DPP10: variants seen among roughly 807,000 people sequenced by gnomAD.
The protein encoded by DPP10 is dipeptidyl peptidase like 10.
In DPP10, 33 loss-of-function variants were observed where a neutral mutation model predicts 120.9. The observed-to-expected ratio is 0.27, with a 90% CI of 0.21 to 0.37. The LOEUF (loss-of-function observed/expected upper bound fraction) is 0.37, where lower values mean the gene tolerates loss of function less well. Ranked by LOEUF, DPP10 falls within the 10% of genes least tolerant of loss-of-function variation. The pLI is 1.00. For missense variants in DPP10, 816 were observed against 942.8 expected (o/e 0.87, Z 1.76); for synonymous variants, 337 against 326.1 (o/e 1.03, Z -0.36).
At chr2:115,325,261 T>G (rs190453484) in intron 2 of DPP10, among the ~76,000 whole-genome samples, 4 of 152,282 alleles carry the variant, frequency 2.6e-5, no homozygotes, top group Admixed American at 2.6e-4. Flanking sequence ...ATGAGTATGC[T>G]TGTATTGACC....
intron 3 of DPP10, among the ~76,000 whole-genome samples, chr2:115,380,780 C>T (rs956385594): frequency 1.9e-4 from 29 of 151,884 alleles, no homozygotes; most frequent in South Asian, 4.2e-4. Flanking sequence ...TTTGCTTGTC[C>T]GCAAAGTATT....
chr2:114,850,776 T>C (rs1364821450), intron 1 of DPP10, among the ~76,000 whole-genome samples: 1 of 152,160 alleles, frequency 6.6e-6, no homozygotes, highest in Non-Finnish European at 1.5e-5. Flanking sequence ...TTCACTAGAA[T>C]AAGAATTCCA....
chr2:115,298,584 G>T (rs1331254912), intron 1 of DPP10, among the ~76,000 whole-genome samples: 1 of 151,988 alleles, frequency 6.6e-6, no homozygotes, highest in Non-Finnish European at 1.5e-5. Flanking sequence ...CTGAGCTGGG[G>T]ATGAATAATT....
intron 1 of DPP10, among the ~76,000 whole-genome samples, chr2:115,267,596 T>A (rs2059512433): frequency 1.3e-5 from 2 of 152,108 alleles, no homozygotes. Context: ...CTTGCCTACC[T>A]CTCTCACCTT....
intron 1 of DPP10, among the ~76,000 whole-genome samples, chr2:115,133,914 C>G (rs1329985299): frequency 2.6e-5 from 4 of 152,114 alleles, no homozygotes; most frequent in Non-Finnish European, 5.9e-5. Flanking sequence ...GATGGATGGG[C>G]CTTGCTGTGC....
rs538117397 is a variant in DPP10, at chr2:114,536,607, G to A, written c.60+93769G>A. 2.0e-3 allele frequency among the ~76,000 whole-genome samples: 309 copies of A among 151,742 alleles called. 1 individual carries two copies. The highest frequency in any genetic ancestry group is 7.1e-3 in the African/African-American group (294 of 41,380). On this transcript the variant is annotated intron_variant, in intron 1 of 25. Coordinates refer to ENST00000410059, the MANE Select transcript of DPP10 (RefSeq NM_020868.6). ...TTTTTAGTAGAGACAGGTTTTCACCGTGTTAGCCAGGATGGTCTCGATCTC... is the reference window on the plus strand; with the variant it reads ...TTTTTAGTAGAGACAGGTTTTCACCATGTTAGCCAGGATGGTCTCGATCTC...
chr2:114,756,905 C>A (rs1470378245), intron 1 of DPP10, among the ~76,000 whole-genome samples: 1 of 152,216 alleles, frequency 6.6e-6, no homozygotes, highest in South Asian at 2.1e-4. Context: ...AAGGAAGCCC[C>A]GTTGAGGTAT....
At chr2:115,251,652 C>T (rs1252820936) in intron 1 of DPP10, among the ~76,000 whole-genome samples, 3 of 152,102 alleles carry the variant, frequency 2.0e-5, no homozygotes, top group African/African-American at 7.2e-5. Context: ...GAATTATTTG[C>T]AATGTCAAGG....
intron 1 of DPP10, among the ~76,000 whole-genome samples, chr2:115,086,120 C>A (rs1257467170): frequency 1.3e-5 from 2 of 152,192 alleles, no homozygotes; most frequent in Admixed American, 6.5e-5. Context: ...TGTAAAGAAT[C>A]TCTGTTAACA....
intron 1 of DPP10, among the ~76,000 whole-genome samples, chr2:115,129,768 T>C (rs1291259562): frequency 6.6e-6 from 1 of 152,150 alleles, no homozygotes; most frequent in Non-Finnish European, 1.5e-5. Context: ...AGCATAGGCA[T>C]CCCCTGAGAG....
intron 3 of DPP10, among the ~76,000 whole-genome samples, chr2:115,396,621 A>G (rs150506000): frequency 1.2e-3 from 177 of 152,346 alleles, no homozygotes; most frequent in Middle Eastern, 3.4e-3. Context: ...AAATACTCAA[A>G]GAAAGAAAAA....
chr2:114,864,147 G>T (rs1484071680), intron 1 of DPP10, among the ~76,000 whole-genome samples: 3 of 152,172 alleles, frequency 2.0e-5, no homozygotes, highest in Non-Finnish European at 2.9e-5. Context: ...TTATTAAGTT[G>T]TTTGCAGTAT....
Position 115,720,112 on chromosome 2 carries a change from G to A in DPP10, c.577-7704G>A, listed in dbSNP as rs562225228. Among the ~76,000 whole-genome samples, 3 of 152,156 alleles carry A rather than the reference G, an allele frequency of 2.0e-5. No individual in the cohort carries two copies. In the South Asian group the frequency reaches 6.2e-4, roughly 31 times the overall value. Reference sequence around the variant, plus strand: ...TCAGCTTTGGTAAGAACTGTCAAAAGGATTGACAAATTGATTGTACCAATT... The same window carrying A: ...TCAGCTTTGGTAAGAACTGTCAAAAAGATTGACAAATTGATTGTACCAATT... On this transcript the variant is annotated intron_variant, in intron 7 of 25. Coordinates refer to ENST00000410059, the MANE Select transcript of DPP10 (RefSeq NM_020868.6).
intron 1 of DPP10, among the ~76,000 whole-genome samples, chr2:114,912,074 CAGAG>C (rs1297951840): frequency 6.6e-6 from 1 of 152,076 alleles, no homozygotes; most frequent in Non-Finnish European, 1.5e-5. Context: ...ATATGCCGTT[CAGAG>C]AGATAGTCCT....
At chr2:114,518,341 G>A (rs550074000) in intron 1 of DPP10, among the ~76,000 whole-genome samples, 4 of 152,188 alleles carry the variant, frequency 2.6e-5, no homozygotes, top group East Asian at 1.9e-4. Context: ...GCCTCCCAAC[G>A]TGCTAGGATT....
At chr2:114,897,501 T>C (rs1399839620) in intron 1 of DPP10, among the ~76,000 whole-genome samples, 1 of 152,080 alleles carries the variant, frequency 6.6e-6, no homozygotes, top group Non-Finnish European at 1.5e-5. Context: ...ACAAATGTGA[T>C]CTAATTAAAC....
intron 5 of DPP10, among the ~76,000 whole-genome samples, chr2:115,531,007 A>T (rs1205003732): frequency 6.6e-6 from 1 of 152,136 alleles, no homozygotes; most frequent in East Asian, 1.9e-4. Flanking sequence ...TTTAAACTGC[A>T]TGTATTTTGT....
chr2:114,906,403 A>G (rs1014308009), intron 1 of DPP10, among the ~76,000 whole-genome samples: 1 of 151,962 alleles, frequency 6.6e-6, no homozygotes, highest in Admixed American at 6.6e-5. Flanking sequence ...AAAAAGAAAA[A>G]TTAGTGAACC....
At chr2:115,454,393 T>C (rs1246239967) in intron 3 of DPP10, among the ~76,000 whole-genome samples, 1 of 151,716 alleles carries the variant, frequency 6.6e-6, no homozygotes, top group Non-Finnish European at 1.5e-5. Context: ...ACTGTGACCA[T>C]GTAGGATATA....
Sources: gnomAD v4.1 joint callset for allele counts (sites outside exome capture counted in the v4.1 genomes callset) on GRCh38, gnomAD v4.1.1 for gene constraint, MANE v1.5 for transcripts, NCBI Gene and HGNC (gene_info 2026-07-23, HGNC 2026-07-21) for gene names.